AUTS2: variants seen among roughly 807,000 people sequenced by gnomAD.
The protein encoded by AUTS2 is autism susceptibility gene 2 protein.
Under a neutral mutation model 112.4 loss-of-function variants are expected in AUTS2, and 17 were observed. The observed-to-expected ratio is 0.15, with a 90% confidence interval of 0.10 to 0.23. The LOEUF (loss-of-function observed/expected upper bound fraction) is 0.23, where lower values mean the gene tolerates loss of function less well. AUTS2 is among the 10% of genes least tolerant of loss of function. AUTS2 has a pLI of 1.00. For missense variants in AUTS2, 1,510 were observed against 1,701.6 expected, an observed-to-expected ratio of 0.89 and a Z score of 1.98; for synonymous variants, 751 against 702.7, an observed-to-expected ratio of 1.07 and a Z score of -1.09.
chr7:70,273,887 TA>T lies in AUTS2; in HGVS notation c.660+139318del, dbSNP rs1292207949. 1.1e-4 allele frequency among the ~76,000 whole-genome samples: 16 copies of T among 152,346 alleles called. No homozygotes were observed. In the East Asian group the frequency reaches 2.1e-3, roughly 20 times the overall value. On this transcript the variant is annotated intron_variant, in intron 4 of 18. Coordinates refer to ENST00000342771, the MANE Select transcript of AUTS2 (RefSeq NM_015570.4). ...GTGTATCACTTTGATAGGCTATTTA[TA>T]AGAGAAGATTTTAAAAATATTGCTC...
At chr7:70,305,390 C>T (rs1303341265) in intron 4 of AUTS2, among the ~76,000 whole-genome samples, 4 of 152,040 alleles carry the variant, frequency 2.6e-5, no homozygotes, top group East Asian at 1.9e-4. Context: ...ATAAAAAAGA[C>T]ATTTAACCAT....
At chr7:69,627,514 C>CAA (rs532262011) in intron 1 of AUTS2, among the ~76,000 whole-genome samples, 1 of 150,212 alleles carries the variant, frequency 6.7e-6, no homozygotes, top group African/African-American at 2.4e-5. Flanking sequence ...AAAAAACAAA[C>CAA]AAAAAAAAAC....
chr7:70,620,174 C>A (rs1293282036), intron 5 of AUTS2, among the ~76,000 whole-genome samples: 1 of 152,156 alleles, frequency 6.6e-6, no homozygotes. Flanking sequence ...TGGTACACCT[C>A]AATTTATAGA....
intron 4 of AUTS2, among the ~76,000 whole-genome samples, chr7:70,328,692 T>C (rs1053769319): frequency 6.6e-5 from 10 of 152,150 alleles, no homozygotes; most frequent in African/African-American, 1.9e-4. Context: ...ATTAACCACA[T>C]TCAGCAGTAA....
chr7:70,511,615 G>A (rs1031188471), intron 5 of AUTS2, among the ~76,000 whole-genome samples: 19 of 93,444 alleles, frequency 2.0e-4, no homozygotes, highest in Non-Finnish European at 3.1e-4. Flanking sequence ...TCACTCTGTT[G>A]TCCAGGCTGG....
intron 2 of AUTS2, among the ~76,000 whole-genome samples, chr7:69,916,085 G>A (rs917375397): frequency 1.3e-5 from 2 of 152,144 alleles, no homozygotes; most frequent in African/African-American, 2.4e-5. Context: ...GAACAATTAC[G>A]TGATCTCAGG....
chr7:70,585,523 G>GT (rs1802640740), intron 5 of AUTS2, among the ~76,000 whole-genome samples: 1 of 152,164 alleles, frequency 6.6e-6, no homozygotes, highest in Non-Finnish European at 1.5e-5. Context: ...ATGTTGCAAC[G>GT]TAAGAGGCTT....
chr7:69,847,442 T>C (rs577903688), intron 1 of AUTS2, among the ~76,000 whole-genome samples: 1 of 152,238 alleles, frequency 6.6e-6, no homozygotes, highest in African/African-American at 2.4e-5. Flanking sequence ...CTAAGTGTGC[T>C]GAGTTCAGAG....
intron 5 of AUTS2, among the ~76,000 whole-genome samples, chr7:70,653,202 A>G (rs1806600882): frequency 1.3e-5 from 2 of 152,214 alleles, no homozygotes; most frequent in African/African-American, 2.4e-5. Flanking sequence ...TGATCATGCC[A>G]CTGCACTCCA....
At chr7:70,769,117 A>C (rs6958668) in intron 10 of AUTS2, among the ~76,000 whole-genome samples, 2 of 152,074 alleles carry the variant, frequency 1.3e-5, no homozygotes, top group African/African-American at 4.8e-5. Flanking sequence ...TTAGAAATCA[A>C]TTGAAAATTA....
At chr7:70,135,212 A>G (rs185006094) in intron 4 of AUTS2, among the ~76,000 whole-genome samples, 1 of 152,318 alleles carries the variant, frequency 6.6e-6, no homozygotes, top group South Asian at 2.1e-4. Context: ...TATAAAATTC[A>G]TTCTCAAACA....
chr7:70,324,441 G>A (rs1370965801), intron 4 of AUTS2, among the ~76,000 whole-genome samples: 1 of 152,074 alleles, frequency 6.6e-6, no homozygotes, highest in African/African-American at 2.4e-5. Flanking sequence ...GGGCAACATA[G>A]CAAGACCCTA....
At chr7:70,327,703 G>A (rs573648353) in intron 4 of AUTS2, among the ~76,000 whole-genome samples, 1 of 152,272 alleles carries the variant, frequency 6.6e-6, no homozygotes, top group South Asian at 2.1e-4. Flanking sequence ...TGCAATACAG[G>A]TGTGGTTAGT....
At chr7:70,179,291 GTT>G (rs1809172240) in intron 4 of AUTS2, among the ~76,000 whole-genome samples, 1 of 152,014 alleles carries the variant, frequency 6.6e-6, no homozygotes, top group African/African-American at 2.4e-5. Flanking sequence ...TTTCCTTTTT[GTT>G]TTTAGTGGTT....
chr7:70,135,503 T>C (rs1418699570), intron 4 of AUTS2, among the ~76,000 whole-genome samples: 3 of 152,184 alleles, frequency 2.0e-5, no homozygotes, highest in African/African-American at 7.2e-5. Flanking sequence ...TAGTTGCTTT[T>C]AACTTTTCTC....
At chr7:69,615,953 G>C (rs1793347683) in intron 1 of AUTS2, among the ~76,000 whole-genome samples, 1 of 152,208 alleles carries the variant, frequency 6.6e-6, no homozygotes, top group South Asian at 2.1e-4. Context: ...AGGTCACCAG[G>C]CTTGCAATCG....
chr7:69,825,553 C>T (rs1317956800), intron 1 of AUTS2, among the ~76,000 whole-genome samples: 3 of 152,176 alleles, frequency 2.0e-5, no homozygotes, highest in South Asian at 2.1e-4. Context: ...ATTTGGGTAG[C>T]GGTTTGGAGG....
chr7:70,166,699 GA>G (rs1210030785), intron 4 of AUTS2, among the ~76,000 whole-genome samples: 1 of 151,688 alleles, frequency 6.6e-6, no homozygotes, highest in Non-Finnish European at 1.5e-5. Flanking sequence ...AAAAAATTAA[GA>G]AAAAAAGGGA....
At chr7:70,366,723 G>T (rs1003952749) in intron 4 of AUTS2, among the ~76,000 whole-genome samples, 3 of 152,128 alleles carry the variant, frequency 2.0e-5, no homozygotes, top group African/African-American at 7.2e-5. Flanking sequence ...TATTTTAGAG[G>T]TGATAGTGGA....
Sources: allele counts gnomAD v4.1 joint callset (sites outside exome capture counted in the v4.1 genomes callset), GRCh38; gene constraint gnomAD v4.1.1; transcripts MANE v1.5; gene names NCBI Gene and HGNC (gene_info 2026-07-23, HGNC 2026-07-21).